Variants in CPQ observed in about 807,000 individuals in gnomAD.
CPQ encodes Ser-Met dipeptidase.
A neutral mutation model predicts 45.7 loss-of-function variants in CPQ; 37 were observed. The ratio of observed to expected loss-of-function variants is 0.81; its 90% CI spans 0.62 to 1.07. CPQ has a LOEUF of 1.07. Among genes scored for constraint, CPQ ranks in the 50% least tolerant of loss-of-function variants. The pLI, the probability that CPQ is intolerant of heterozygous loss-of-function variation, is 0.00. For missense variants in CPQ, 537 were observed against 572.9 expected, an observed-to-expected ratio of 0.94 and a Z score of 0.64; for synonymous variants, 186 against 205.8, an observed-to-expected ratio of 0.90 and a Z score of 0.82.
Position 97,066,107 on chromosome 8 carries a change from C to T in CPQ, c.1152C>T (p.Ile384=), listed in dbSNP as rs2130528342. 1 of 1,612,490 alleles carries T rather than the reference C, an allele frequency of 6.2e-7. No homozygotes were observed. Among genetic ancestry groups the T allele is most frequent in the Non-Finnish European group, 8.5e-7 (1 of 1,179,542 alleles). ...CTGGCAGTGAAAAGGCCAGGGCCATCATGGAGGAGGTTATGAGCCTGCTGC... is the reference window on the plus strand; with the variant it reads ...CTGGCAGTGAAAAGGCCAGGGCCATTATGGAGGAGGTTATGAGCCTGCTGC... The part of the protein sequence containing the change: ...QFTGSEKARA[I]MEEVMSLLQP... Residue 384 remains isoleucine, a synonymous_variant, in exon 7 of 8, where the codon ATC becomes ATT. Coordinates refer to ENST00000220763, the MANE Select transcript of CPQ (RefSeq NM_016134.4).
intron 4 of CPQ, among the ~76,000 whole-genome samples, chr8:96,888,566 T>G (rs1033676666): frequency 6.6e-6 from 1 of 152,198 alleles, no homozygotes; most frequent in Non-Finnish European, 1.5e-5. Flanking sequence ...GTAAGGGTGT[T>G]GCTGTTTTGT....
chr8:96,775,663 C>T (rs772145033), intron 1 of CPQ, among the ~76,000 whole-genome samples: 4 of 152,280 alleles, frequency 2.6e-5, no homozygotes, highest in Non-Finnish European at 4.4e-5. Flanking sequence ...TATTCGTATA[C>T]ACAATAGAGT....
chr8:96,655,743 G>A (rs1488715515), intron 1 of CPQ, among the ~76,000 whole-genome samples: 2 of 152,172 alleles, frequency 1.3e-5, no homozygotes, highest in Non-Finnish European at 2.9e-5. Flanking sequence ...ACCATCATAA[G>A]TGCAGATGCT....
chr8:97,126,432 C>G (rs923303137), intron 7 of CPQ, among the ~76,000 whole-genome samples: 1 of 152,122 alleles, frequency 6.6e-6, no homozygotes, highest in African/African-American at 2.4e-5. Context: ...ACCCTCTCTT[C>G]GTGACCTTCC....
rs34266303 is a variant in CPQ at position 97,056,101 on chromosome 8, A to AACACAC, written c.1054-9882_1054-9877dup. On this transcript the variant is annotated intron_variant, in intron 6 of 7. Transcript: ENST00000220763. ...GTGACAGAGTGAGACCCTATCTCAAAACACACACACACACACACACACACA... is the reference window on the plus strand; with the variant it reads ...GTGACAGAGTGAGACCCTATCTCAAAACACACACACACACACACACACACACACACA... Among the ~76,000 whole-genome samples the AACACAC allele has an allele frequency of 1.7e-3, 248 of 146,430 alleles. 1 individual carries two copies. The highest frequency in any genetic ancestry group is 3.0e-3 in the Non-Finnish European group (194 of 65,574).
rs1356753477 is a variant in CPQ, at chr8:97,123,002, T to TAAAATAAATAAAATAAAATAAAATAA, written c.1256-20017_1256-20016insAAATAAATAAAATAAAATAAAATAAA. ...AAAATTAAAATAAAATAAAATAAAATATAAAATAAAATAAAATAAAATAAA... is the reference window on the plus strand; with the variant it reads ...AAAATTAAAATAAAATAAAATAAAATAAAATAAATAAAATAAAATAAAATAAATAAAATAAAATAAAATAAAATAAA... On this transcript the variant is annotated intron_variant, in intron 7 of 7. Transcript: ENST00000220763. Among the ~76,000 whole-genome samples, 3 of 15,222 alleles carry TAAAATAAATAAAATAAAATAAAATAA rather than the reference T, an allele frequency of 2.0e-4. 1 individual carries two copies. Among genetic ancestry groups the TAAAATAAATAAAATAAAATAAAATAA allele is most frequent in the African/African-American group, 1.1e-3 (3 of 2,770 alleles). The allele number at this position is 15,222 out of a possible 152,430, so 10.0% of individuals were successfully genotyped here.
chr8:97,040,245 A>C (rs1438172438), intron 6 of CPQ, among the ~76,000 whole-genome samples: 1 of 152,052 alleles, frequency 6.6e-6, no homozygotes, highest in Non-Finnish European at 1.5e-5. Flanking sequence ...GATGGTGAGC[A>C]TTTTTTCATG....
intron 1 of CPQ, among the ~76,000 whole-genome samples, chr8:96,676,547 C>T (rs1199098410): frequency 6.6e-6 from 1 of 151,968 alleles, no homozygotes; most frequent in African/African-American, 2.4e-5. Context: ...TTTCTTTATC[C>T]AGTCTTCTGT....
intron 4 of CPQ, among the ~76,000 whole-genome samples, chr8:96,945,755 G>A (rs974675033): frequency 5.9e-5 from 9 of 152,052 alleles, no homozygotes; most frequent in Admixed American, 1.3e-4. Context: ...TAACTTGTTC[G>A]CTTGTCCCCA....
intron 2 of CPQ, among the ~76,000 whole-genome samples, chr8:96,817,804 A>T (rs1811250142): frequency 6.6e-6 from 1 of 151,934 alleles, no homozygotes; most frequent in Non-Finnish European, 1.5e-5. Context: ...TTGTGGAGAC[A>T]GGGTCTCACT....
chr8:96,685,406 AG>A (rs1809213200), intron 1 of CPQ, among the ~76,000 whole-genome samples: 2 of 151,958 alleles, frequency 1.3e-5, no homozygotes, highest in South Asian at 4.2e-4. Flanking sequence ...TTTTGGTGTA[AG>A]GTGTGTTATA....
chr8:96,785,784 A>C (rs966027242), intron 2 of CPQ, among the ~76,000 whole-genome samples: 7 of 152,184 alleles, frequency 4.6e-5, no homozygotes, highest in African/African-American at 1.7e-4. Flanking sequence ...CCTGCAAGGA[A>C]TTATCCAAGG....
chr8:96,892,950 T>C (rs955654888), intron 4 of CPQ, among the ~76,000 whole-genome samples: 2 of 152,204 alleles, frequency 1.3e-5, no homozygotes, highest in African/African-American at 4.8e-5. Flanking sequence ...AGGAATAATA[T>C]ACATTTATAG....
intron 7 of CPQ, among the ~76,000 whole-genome samples, chr8:97,115,486 G>T (rs1296875975): frequency 1.3e-5 from 2 of 152,176 alleles, no homozygotes. Context: ...TTAGTTACCG[G>T]GTAGGAATAT....
chr8:96,871,531 G>GTTTTTTTTTTTTTTTTTTTTTTT (rs529360931), intron 3 of CPQ, among the ~76,000 whole-genome samples: 1 of 107,024 alleles, frequency 9.3e-6, no homozygotes, highest in Non-Finnish European at 1.9e-5. Flanking sequence ...TTGCTTCCAG[G>GTTTTTTTTTTTTTTTTTTTTTTT]TTTTTTTTTT....
At chr8:96,942,866 T>C (rs1813142025) in intron 4 of CPQ, among the ~76,000 whole-genome samples, 1 of 152,172 alleles carries the variant, frequency 6.6e-6, no homozygotes, top group Non-Finnish European at 1.5e-5. Context: ...TAGTGCCTCT[T>C]TGTCATTCTT....
intron 1 of CPQ, among the ~76,000 whole-genome samples, chr8:96,752,175 G>T (rs139802628): frequency 1.3e-5 from 2 of 151,888 alleles, no homozygotes; most frequent in Admixed American, 1.3e-4. Context: ...GAAGAATGTC[G>T]GTAGTTTAAT....
At chr8:96,956,379 A>G (rs1259369924) in intron 4 of CPQ, among the ~76,000 whole-genome samples, 1 of 152,070 alleles carries the variant, frequency 6.6e-6, no homozygotes, top group East Asian at 1.9e-4. Context: ...TCATTTTCGG[A>G]CCATTTTTTT....
chr8:96,784,085 G>A (rs567177265), intron 1 of CPQ, among the ~76,000 whole-genome samples: 13 of 152,222 alleles, frequency 8.5e-5, no homozygotes, highest in Non-Finnish European at 1.3e-4. Context: ...CTACCTTATA[G>A]AGTTGTTGTG....
Sources: gnomAD v4.1 joint callset for allele counts (sites outside exome capture counted in the v4.1 genomes callset) on GRCh38, gnomAD v4.1.1 for gene constraint, MANE v1.5 for transcripts, NCBI Gene and HGNC (gene_info 2026-07-23, HGNC 2026-07-21) for gene names.